Variants in SETD3 observed in about 807,000 individuals in gnomAD.
SETD3 encodes SET domain containing 3, actin N3(tau)-histidine methyltransferase, also known as actin-histidine N-methyltransferase.
SETD3 carries 19 observed loss-of-function variants against 63.0 expected under a neutral mutation model. That is an observed-to-expected ratio of 0.30 (90% CI 0.21 to 0.44). The LOEUF (loss-of-function observed/expected upper bound fraction) is 0.44, where lower values mean the gene tolerates loss of function less well. Among genes scored for constraint, SETD3 ranks in the 20% least tolerant of loss-of-function variants. The pLI is 1.00. For missense variants in SETD3, 587 were observed against 728.5 expected, an observed-to-expected ratio of 0.81 and a Z score of 2.24; for synonymous variants, 286 against 264.1, an observed-to-expected ratio of 1.08 and a Z score of -0.80.
rs774182110 is a variant in SETD3, at chr14:99,400,229, C to T, written c.1208G>A (p.Ser403Asn). 1.2e-6 allele frequency: 2 copies of T among 1,613,506 alleles called. No individual in the cohort carries two copies. The highest frequency in any genetic ancestry group is 2.2e-5 in the South Asian group (2 of 90,856). ...CAAGGTGAAGATTCTATCAATAGCG[C>T]TGTCTCCCAGCAAGTGTTCTTTCAG... is the stretch of plus-strand genomic sequence containing the variant. The part of the protein sequence containing the change: ...EELKEHLLGD[S>N]AIDRIFTLGN... Residue 403 changes from serine (S) to asparagine (N), a missense_variant, in exon 12 of 13, where the codon AGC becomes AAC. By Grantham distance (46) the Ser-to-Asn change is conservative. Transcript: ENST00000331768.
chr14:99,454,796 A>T (rs1894665051), intron 6 of SETD3, among the ~76,000 whole-genome samples: 1 of 152,168 alleles, frequency 6.6e-6, no homozygotes, highest in Admixed American at 6.5e-5. Context: ...CAGCCCGAGC[A>T]GGCTGGCTCC....
upstream of SETD3, chr14:99,481,575 G>A (rs573491907): frequency 1.3e-5 from 5 of 397,826 alleles, no homozygotes; most frequent in African/African-American, 8.2e-5. Context: ...CACTGGCGGA[G>A]TCTCTCTTTC....
intron 1 of SETD3, among the ~76,000 whole-genome samples, chr14:99,470,316 G>C (rs115422651): frequency 1.3e-5 from 2 of 152,336 alleles, no homozygotes; most frequent in African/African-American, 4.8e-5. Context: ...TATTACAGAT[G>C]CTAAAGAGTT....
chr14:99,459,680 A>G (rs1418972653), intron 4 of SETD3, among the ~76,000 whole-genome samples: 2 of 152,224 alleles, frequency 1.3e-5, no homozygotes, highest in African/African-American at 4.8e-5. Context: ...TACTAGTGAA[A>G]TCACATGCCC....
upstream of SETD3, chr14:99,481,426 A>G (rs1475735051): frequency 5.0e-6 from 2 of 398,570 alleles, no homozygotes; most frequent in African/African-American, 4.1e-5. Context: ...CATATACAAG[A>G]TGGCCGCAGT....
chr14:99,417,125 A>G (rs1435348780), intron 6 of SETD3, among the ~76,000 whole-genome samples: 2 of 152,254 alleles, frequency 1.3e-5, no homozygotes, highest in Non-Finnish European at 1.5e-5. Context: ...TACAGTCAGC[A>G]TATTTGATCC....
chr14:99,467,090 G>A (rs1895427846), intron 1 of SETD3, among the ~76,000 whole-genome samples: 2 of 111,456 alleles, frequency 1.8e-5, no homozygotes, highest in African/African-American at 5.8e-5. Flanking sequence ...ATATGGCCAT[G>A]TGCTAAAACA....
At chr14:99,404,107 C>A in intron 11 of SETD3, 118 bp downstream of exon 11, 4 of 713,744 alleles carry the variant, frequency 5.6e-6, no homozygotes, top group Non-Finnish European at 9.0e-6. Context: ...TATCTTCTCT[C>A]TTCCCAAAAG....
At chr14:99,434,423 G>C (rs1482371479) in intron 6 of SETD3, among the ~76,000 whole-genome samples, 1 of 152,030 alleles carries the variant, frequency 6.6e-6, no homozygotes, top group Non-Finnish European at 1.5e-5. Flanking sequence ...AGGACAGTGG[G>C]GAGTTTTACA....
intron 11 of SETD3, among the ~76,000 whole-genome samples, chr14:99,403,272 C>G (rs1406042175): frequency 6.6e-6 from 1 of 152,162 alleles, no homozygotes; most frequent in East Asian, 1.9e-4. Context: ...AGCAGCTTCC[C>G]CCACATGGGC....
chr14:99,433,969 G>A (rs1048559248), intron 6 of SETD3, among the ~76,000 whole-genome samples: 3 of 152,162 alleles, frequency 2.0e-5, no homozygotes, highest in African/African-American at 7.2e-5. Flanking sequence ...GTGTAAATTG[G>A]TGTAACCACT....
upstream of SETD3, among the ~76,000 whole-genome samples, chr14:99,482,064 C>G (rs944017973): frequency 3.3e-5 from 5 of 152,176 alleles, no homozygotes; most frequent in African/African-American, 1.2e-4. Flanking sequence ...AGAAATTGTT[C>G]TTTAGAAAAT....
At chr14:99,402,734 G>A (rs746816265) in intron 11 of SETD3, among the ~76,000 whole-genome samples, 5 of 152,170 alleles carry the variant, frequency 3.3e-5, no homozygotes, top group Admixed American at 6.5e-5. Flanking sequence ...GTGCTACCAC[G>A]CCCAGCTAAT....
intron 2 of SETD3, 139 bp downstream of exon 2, chr14:99,465,564 G>A: frequency 1.6e-6 from 1 of 624,432 alleles, no homozygotes; most frequent in Non-Finnish European, 2.8e-6. Context: ...GGGAACCTCT[G>A]TGACTCGCCC....
chr14:99,410,147 C>T (rs1000006623), intron 8 of SETD3: 3 of 1,575,656 alleles, frequency 1.9e-6, no homozygotes, highest in African/African-American at 2.7e-5. Context: ...TGAGTGAGTC[C>T]CGTAAGTGCC....
chr14:99,476,105 CA>C (rs1035481641), intron 1 of SETD3, among the ~76,000 whole-genome samples: 2 of 152,158 alleles, frequency 1.3e-5, no homozygotes, highest in African/African-American at 2.4e-5. Flanking sequence ...GCATTTTACA[CA>C]ATATAAGATA....
Position 99,461,475 on chromosome 14 carries a change from A to G in SETD3, c.197-135T>C, listed in dbSNP as rs573050136. 634 of 838,104 alleles carry G rather than the reference A, an allele frequency of 7.6e-4. 2 individuals carry two copies. Among genetic ancestry groups the G allele is most frequent in the Non-Finnish European group, 9.7e-4 (523 of 536,466 alleles). 51.9% of individuals were successfully genotyped at this position (838,104 alleles called of 1,614,324 possible). ...ACACGCCAATCTTGAAATCAAAACT[A>G]ATCACCAGATGGTCACAGTACATAC... is the stretch of plus-strand genomic sequence containing the variant. On this transcript the variant is annotated intron_variant, in intron 3 of 12. Transcript: ENST00000331768.
chr14:99,446,975 C>CT (rs35458723), intron 6 of SETD3, among the ~76,000 whole-genome samples: 127 of 141,504 alleles, frequency 9.0e-4, no homozygotes, highest in African/African-American at 3.2e-3. Context: ...TATTTCATTT[C>CT]TTTTTTTTTT....
intron 12 of SETD3, 41 bp downstream of exon 12, chr14:99,400,058 A>G (rs1891306019): frequency 6.5e-7 from 1 of 1,545,898 alleles, no homozygotes; most frequent in Non-Finnish European, 8.8e-7. Context: ...ACATCTTAAC[A>G]ACACAACAAG....
Sources: allele counts gnomAD v4.1 joint callset (sites outside exome capture counted in the v4.1 genomes callset), GRCh38; gene constraint gnomAD v4.1.1; transcripts MANE v1.5; gene names NCBI Gene and HGNC (gene_info 2026-07-23, HGNC 2026-07-21).